FRRS1L: variants seen among roughly 807,000 people sequenced by gnomAD.
FRRS1L encodes the protein ferric chelate reductase 1 like.
Under a neutral mutation model 28.6 loss-of-function variants are expected in FRRS1L, and 22 were observed. The observed-to-expected ratio is 0.77, with a 90% CI of 0.55 to 1.10. FRRS1L has a LOEUF of 1.10. Ranked by LOEUF, FRRS1L falls within the 50% of genes least tolerant of loss-of-function variation. The pLI is 0.00. For synonymous variants in FRRS1L, 158 were observed against 151.4 expected (o/e 1.04, Z -0.32); for missense variants, 380 against 386.9 (o/e 0.98, Z 0.15).
In FRRS1L at chr9:109,152,814, A is replaced by AAAAAG. The variant is rs1831350218; in HGVS notation, c.239-3095_239-3094insCTTTT. Among the ~76,000 whole-genome samples, 8 of 115,248 alleles carry AAAAAG rather than the reference A, an allele frequency of 6.9e-5. 1 individual carries two copies. The South Asian group carries it at 2.2e-3, about 31-fold the overall frequency. 75.6% of individuals were successfully genotyped at this position (115,248 alleles called of 152,430 possible). On this transcript the variant is annotated intron_variant, in intron 1 of 4. Transcript: ENST00000561981. ...GAGAGACTCCATCTCAAAAAAAAAA[A>AAAAAG]AAAAAAAAAAAAAAAAAAAAAAAAA... is the stretch of plus-strand genomic sequence containing the variant.
chr9:109,145,530 C>G (rs1004407404), intron 3 of FRRS1L, among the ~76,000 whole-genome samples: 2 of 152,002 alleles, frequency 1.3e-5, no homozygotes, highest in Non-Finnish European at 2.9e-5. Flanking sequence ...AACCCCATCT[C>G]TACTAAAATT....
intron 1 of FRRS1L, among the ~76,000 whole-genome samples, chr9:109,159,695 G>C (rs1831457578): frequency 1.3e-5 from 2 of 152,174 alleles, no homozygotes. Flanking sequence ...TAAGCAGGTG[G>C]CCTTTGAGCA....
At chr9:109,162,781 A>G (rs939321020) in intron 1 of FRRS1L, among the ~76,000 whole-genome samples, 1 of 152,222 alleles carries the variant, frequency 6.6e-6, no homozygotes, top group Non-Finnish European at 1.5e-5. Context: ...TGGGGGAAGG[A>G]TATAGGAAGA....
At chr9:109,160,349 G>T (rs1364085870) in intron 1 of FRRS1L, among the ~76,000 whole-genome samples, 2 of 152,116 alleles carry the variant, frequency 1.3e-5, no homozygotes, top group Non-Finnish European at 2.9e-5. Context: ...TGAAACCTCA[G>T]TCCTAAGTTT....
At chr9:109,163,959 C>T (rs775919177) in intron 1 of FRRS1L, among the ~76,000 whole-genome samples, 1 of 152,210 alleles carries the variant, frequency 6.6e-6, no homozygotes, top group Non-Finnish European at 1.5e-5. Context: ...AGCCTTCATG[C>T]TATCAGGCCA....
chr9:109,138,357 T>G (rs1831139903), intron 4 of FRRS1L: 1 of 152,252 alleles, frequency 6.6e-6, no homozygotes, highest in Non-Finnish European at 1.5e-5. Context: ...TTTAATAATC[T>G]TCAGTTGATT....
chr9:109,157,822 C>A (rs1235549992), intron 1 of FRRS1L, among the ~76,000 whole-genome samples: 2 of 152,184 alleles, frequency 1.3e-5, no homozygotes, highest in Non-Finnish European at 2.9e-5. Flanking sequence ...ACATAATTTG[C>A]TCCTTATGTT....
intron 3 of FRRS1L, among the ~76,000 whole-genome samples, chr9:109,144,663 C>T (rs145151887): frequency 1.4e-5 from 2 of 147,836 alleles, no homozygotes; most frequent in African/African-American, 2.5e-5. Context: ...CCATGCCCAG[C>T]CAGTTAGTGC....
intron 1 of FRRS1L, among the ~76,000 whole-genome samples, chr9:109,153,565 CT>C (rs904043956): frequency 4.6e-5 from 7 of 152,100 alleles, no homozygotes; most frequent in Admixed American, 2.0e-4. Flanking sequence ...AAAAATAGCA[CT>C]TTTTTTTCCC....
At position 109,166,919 on chromosome 9, in the gene FRRS1L, G is replaced by A; in HGVS notation, c.220C>T (p.Arg74Cys). Residue 74 changes from arginine to cysteine, a missense_variant, in exon 1 of 5, where the codon CGC (arginine) becomes TGC (cysteine). By Grantham distance (180) the Arg-to-Cys change is radical. Coordinates refer to ENST00000561981, the MANE Select transcript of FRRS1L (RefSeq NM_014334.4). ...GCCTCACCCTCCTCCGACAGGTAGCGCAGGTCGTAGAACTCCCCCGCGAAG... is the reference window on the plus strand; with the variant it reads ...GCCTCACCCTCCTCCGACAGGTAGCACAGGTCGTAGAACTCCCCCGCGAAG... ...GTFAGEFYDL[R>C]YLSEEGYPFP... 2 of 1,350,176 alleles carry A rather than the reference G, an allele frequency of 1.5e-6. No individual in the cohort carries two copies. Among genetic ancestry groups the A allele is most frequent in the Non-Finnish European group, 1.9e-6 (2 of 1,040,568 alleles). The allele number at this position is 1,350,176 out of a possible 1,614,324, so 83.6% of individuals were successfully genotyped here.
At chr9:109,161,405 C>T (rs1309262676) in intron 1 of FRRS1L, among the ~76,000 whole-genome samples, 3 of 152,004 alleles carry the variant, frequency 2.0e-5, no homozygotes, top group African/African-American at 7.3e-5. Context: ...CCTTCCTTTT[C>T]TTTCCTTCTG....
chr9:109,147,260 G>A, intron 2 of FRRS1L, 71 bp from the exon 3 acceptor site: 1 of 1,253,918 alleles, frequency 8.0e-7, no homozygotes, highest in Non-Finnish European at 1.2e-6. Flanking sequence ...CATCTACCAT[G>A]TATCATGTGG....
chr9:109,137,026 A>G lies in FRRS1L; in HGVS notation c.*429T>C, dbSNP rs1385865480. The G allele has an allele frequency of 6.5e-6, 1 of 152,804 alleles. No individual in the cohort carries two copies. Among genetic ancestry groups the G allele is most frequent in the Non-Finnish European group, 1.5e-5 (1 of 68,478 alleles). The allele number at this position is 152,804 out of a possible 1,614,324, so 9.5% of individuals were successfully genotyped here. On this transcript the variant is annotated 3_prime_UTR_variant, in exon 5 of 5. Coordinates refer to ENST00000561981, the MANE Select transcript of FRRS1L (RefSeq NM_014334.4). ...TAACTCTCTGTGCTATAGCACTCAT[A>G]GTAAAGACTGTTTTGAGACATGATT... is the stretch of plus-strand genomic sequence containing the variant.
At chr9:109,151,207 GT>G (rs1831326151) in intron 1 of FRRS1L, 1 of 152,104 alleles carries the variant, frequency 6.6e-6, no homozygotes, top group South Asian at 2.1e-4. Flanking sequence ...ACTTTTTCTA[GT>G]TTTATGCTTA....
rs1440725785 is a variant in FRRS1L at position 109,133,863 on chromosome 9, T to C, written c.*3592A>G. On this transcript the variant is annotated 3_prime_UTR_variant, in exon 5 of 5. Coordinates refer to ENST00000561981, the MANE Select transcript of FRRS1L (RefSeq NM_014334.4). ...GGGAATACAGACATAAAATAGAAGT[T>C]GATTCTCTTATATTTAAGTAGGGAT... 3 of 152,318 alleles carry C rather than the reference T, an allele frequency of 2.0e-5. No homozygotes were observed. Among genetic ancestry groups the C allele is most frequent in the Non-Finnish European group, 4.4e-5 (3 of 68,022 alleles). 9.4% of individuals were successfully genotyped at this position (152,318 alleles called of 1,614,324 possible). A position where few individuals can be genotyped will look rare whatever the true frequency, so the allele number is the denominator to read the frequency against.
chr9:109,166,620 C>A lies in FRRS1L; in HGVS notation c.238+281G>T, dbSNP rs554156477. Among the ~76,000 whole-genome samples, 93 of 152,204 alleles carry A rather than the reference C, an allele frequency of 6.1e-4. No individual in the cohort carries two copies. The Middle Eastern group carries it at 0.021, about 34-fold the overall frequency. Reference sequence around the variant, plus strand: ...TAGACTCAGCACCCACCCCTATCCACAGCCTTGCAGAACTTGGATGACCCC... The same window carrying A: ...TAGACTCAGCACCCACCCCTATCCAAAGCCTTGCAGAACTTGGATGACCCC... On this transcript the variant is annotated intron_variant, in intron 1 of 4. Transcript: ENST00000561981.
Position 109,141,549 on chromosome 9 carries a change from C to A in FRRS1L, c.503G>T (p.Gly168Val), listed in dbSNP as rs764564114. 9.3e-6 allele frequency: 15 copies of A among 1,613,982 alleles called. No homozygotes were observed. The highest frequency in any genetic ancestry group is 3.3e-4 in the Middle Eastern group (2 of 6,060). ...DVMACVHDDN[G>V]RVRIQHFYNV... is the part of the protein sequence containing the mutation. ...ATAGAAGTGCTGTATGCGGACCCTG[C>A]CATTGTCATCATGGACGCAGGCCAT... Residue 168 changes from glycine to valine, a missense_variant, in exon 4 of 5, where the codon GGC (glycine) becomes GTC (valine). Physicochemically the swap from Gly to Val is moderately radical, Grantham distance 109. Transcript: ENST00000561981.
chr9:109,148,542 A>C (rs898894923), intron 2 of FRRS1L: 1 of 152,254 alleles, frequency 6.6e-6, no homozygotes, highest in Non-Finnish European at 1.5e-5. Flanking sequence ...AATGGGTGGG[A>C]CAATATACGC....
At chr9:109,159,243 C>CTTAATA (rs10661985) in intron 1 of FRRS1L, among the ~76,000 whole-genome samples, 114,553 of 151,516 alleles carry the variant, frequency 0.76, 43,406 homozygotes, top group Admixed American at 0.78. Context: ...CTTTGTCATT[C>CTTAATA]TTATTTCTTT....
Sources: gnomAD v4.1 joint callset for allele counts (sites outside exome capture counted in the v4.1 genomes callset) on GRCh38, gnomAD v4.1.1 for gene constraint, MANE v1.5 for transcripts, NCBI Gene and HGNC (gene_info 2026-07-23, HGNC 2026-07-21) for gene names.